The following LPP variants were observed in gnomAD, a reference collection of about 807,000 sequenced individuals.
LPP encodes the protein LIM domain containing preferred translocation partner in lipoma.
In LPP, 38 loss-of-function variants were observed where a neutral mutation model predicts 60.4. The ratio of observed to expected loss-of-function variants is 0.63; its 90% CI spans 0.49 to 0.83. LPP has a LOEUF of 0.83. LPP is among the 40% of genes least tolerant of loss of function. The pLI is 0.00. For synonymous variants in LPP, 328 were observed against 290.8 expected (o/e 1.13, Z -1.30); for missense variants, 902 against 783.6 (o/e 1.15, Z -1.80).
chr3:188,609,284 G>T lies in LPP; in HGVS notation c.553G>T (p.Ala185Ser), dbSNP rs1207638500. 10 of 1,613,982 alleles carry T rather than the reference G, an allele frequency of 6.2e-6. No homozygotes were observed. The highest frequency in any genetic ancestry group is 8.5e-6 in the Non-Finnish European group (10 of 1,179,998). The change falls in exon 7 of 12, where the codon GCA becomes TCA. Residue 185 changes from alanine to serine, a missense_variant. By Grantham distance (99) the Ala-to-Ser change is moderately conservative. Transcript: ENST00000617246. The surrounding 1 kb of genome is among the most constrained non-coding windows in gnomAD (Gnocchi z 6.9). ...GAAGTCTACATTGAAACCACAGCCT[G>T]CACCCCAGGCTGGACCCATCCCTGT... The part of the protein sequence containing the change: ...TKKSTLKPQP[A>S]PQAGPIPVAP...
intron 6 of LPP, among the ~76,000 whole-genome samples, chr3:188,547,561 T>C (rs917502167): frequency 1.3e-5 from 2 of 152,346 alleles, no homozygotes; most frequent in South Asian, 4.1e-4. Flanking sequence ...AGAGCTTTAC[T>C]GCTACAAAGC....
chr3:188,742,370 G>A (rs1000714491), intron 8 of LPP, among the ~76,000 whole-genome samples: 3 of 151,854 alleles, frequency 2.0e-5, no homozygotes, highest in Admixed American at 6.6e-5. Flanking sequence ...ATTTATAATG[G>A]CCAAAAACTG....
At chr3:188,419,799 C>T (rs147333996) in intron 4 of LPP, among the ~76,000 whole-genome samples, 369 of 152,140 alleles carry the variant, frequency 2.4e-3, no homozygotes, top group Non-Finnish European at 2.2e-3. Flanking sequence ...CTGAGGCAGG[C>T]GAATCACTTG....
chr3:188,661,002 A>G (rs1180700592), intron 7 of LPP, among the ~76,000 whole-genome samples: 3 of 152,048 alleles, frequency 2.0e-5, no homozygotes, highest in Non-Finnish European at 4.4e-5. Flanking sequence ...GCCTATTATT[A>G]CTTTCTCCCC....
chr3:188,753,834 A>G (rs556797401), intron 8 of LPP, among the ~76,000 whole-genome samples: 1 of 152,050 alleles, frequency 6.6e-6, no homozygotes, highest in Admixed American at 6.6e-5. Flanking sequence ...GGAAACAGAC[A>G]TTGGAGCCAC....
chr3:188,592,554 T>TTTTTTTTTTTTGTTGG (rs1307690738), intron 6 of LPP, among the ~76,000 whole-genome samples: 1 of 118,330 alleles, frequency 8.5e-6, no homozygotes, highest in East Asian at 2.6e-4. Context: ...TAGTTTTGTT[T>TTTTTTTTTTTTGTTGG]TTGTTTTTTA....
intron 3 of LPP, among the ~76,000 whole-genome samples, chr3:188,386,475 T>C (rs1350977442): frequency 4.6e-5 from 7 of 152,216 alleles, no homozygotes; most frequent in African/African-American, 1.7e-4. Flanking sequence ...CTTTAGGCAT[T>C]ACAGAATATT....
chr3:188,858,479 A>G (rs1764352072), intron 9 of LPP, among the ~76,000 whole-genome samples: 1 of 152,228 alleles, frequency 6.6e-6, no homozygotes, highest in Non-Finnish European at 1.5e-5. Flanking sequence ...TAAATGTTCT[A>G]TAATTGAGAT....
intron 3 of LPP, among the ~76,000 whole-genome samples, chr3:188,349,792 C>G (rs1212797964): frequency 6.6e-6 from 1 of 152,240 alleles, no homozygotes; most frequent in African/African-American, 2.4e-5. Context: ...TTTGCTCCAT[C>G]AGGGACTCTG....
chr3:188,230,018 C>T (rs928374792), intron 2 of LPP, among the ~76,000 whole-genome samples: 2 of 152,120 alleles, frequency 1.3e-5, no homozygotes, highest in African/African-American at 4.8e-5. Context: ...TAGGCTTAGT[C>T]CCTGACCCTG....
At chr3:188,598,260 A>C (rs141885836) in intron 6 of LPP, among the ~76,000 whole-genome samples, 1 of 152,270 alleles carries the variant, frequency 6.6e-6, no homozygotes, top group Non-Finnish European at 1.5e-5. Context: ...AACTCTTGAG[A>C]GATTTTAATA....
chr3:188,387,687 C>T (rs912576708), intron 3 of LPP, among the ~76,000 whole-genome samples: 3 of 151,778 alleles, frequency 2.0e-5, no homozygotes, highest in Non-Finnish European at 4.4e-5. Flanking sequence ...TTGTGCCAGC[C>T]TCCCGAGTAG....
chr3:188,841,255 G>A (rs1209746831), intron 9 of LPP, among the ~76,000 whole-genome samples: 1 of 151,624 alleles, frequency 6.6e-6, no homozygotes, highest in East Asian at 1.9e-4. Context: ...AAGGTGGGCT[G>A]GGTTTGAAAC....
At chr3:188,612,370 C>A (rs1843904509) in intron 7 of LPP, among the ~76,000 whole-genome samples, 2 of 152,134 alleles carry the variant, frequency 1.3e-5, no homozygotes, top group Admixed American at 1.3e-4. Context: ...CTACTGTATT[C>A]TACTGCACCT....
At chr3:188,765,861 C>CTTTTTTTTTTTT (rs71169019) in intron 9 of LPP, among the ~76,000 whole-genome samples, 1 of 92,618 alleles carries the variant, frequency 1.1e-5, no homozygotes. Context: ...ATGTTCAACT[C>CTTTTTTTTTTTT]TTTTTTTTTT....
intron 9 of LPP, among the ~76,000 whole-genome samples, chr3:188,803,520 T>A (rs957630755): frequency 2.0e-5 from 3 of 152,220 alleles, no homozygotes; most frequent in Non-Finnish European, 4.4e-5. Context: ...AAAGGTATTT[T>A]TCCCCCCATA....
intron 2 of LPP, among the ~76,000 whole-genome samples, chr3:188,340,225 G>A (rs1560270050): frequency 6.6e-6 from 1 of 152,052 alleles, no homozygotes; most frequent in Non-Finnish European, 1.5e-5. Context: ...TTTTGTATTT[G>A]TAAAATTTGG....
At chr3:188,613,680 A>C (rs1283704568) in intron 7 of LPP, among the ~76,000 whole-genome samples, 1 of 152,108 alleles carries the variant, frequency 6.6e-6, no homozygotes, top group Non-Finnish European at 1.5e-5. Context: ...CAGTAAATCT[A>C]AAAGTTTTTC....
At chr3:188,482,545 A>G (rs977492174) in intron 4 of LPP, among the ~76,000 whole-genome samples, 6 of 152,134 alleles carry the variant, frequency 3.9e-5, no homozygotes, top group African/African-American at 1.4e-4. Flanking sequence ...TAGGTTTTAT[A>G]GGTGTCCTGG....
Sources: allele counts gnomAD v4.1 joint callset (sites outside exome capture counted in the v4.1 genomes callset), GRCh38; gene constraint gnomAD v4.1.1; non-coding constraint Gnocchi (gnomAD v3.1); transcripts MANE v1.5; gene names NCBI Gene and HGNC (gene_info 2026-07-23, HGNC 2026-07-21).